Variants in DLGAP2 observed in about 807,000 individuals in gnomAD.
DLGAP2 encodes DLG associated protein 2, also known as disks large-associated protein 2.
A neutral mutation model predicts 100.3 loss-of-function variants in DLGAP2; 26 were observed. The observed-to-expected ratio is 0.26, with a 90% CI of 0.19 to 0.36. The LOEUF (loss-of-function observed/expected upper bound fraction) is 0.36. DLGAP2 is among the 10% of genes least tolerant of loss of function. The pLI is 1.00. For synonymous variants in DLGAP2, 886 were observed against 630.1 expected (o/e 1.41, Z -6.08); for missense variants, 1,858 against 1,453.2 (o/e 1.28, Z -4.53).
chr8:1,687,228 G>C (rs1187861634), intron 12 of DLGAP2, among the ~76,000 whole-genome samples: 1 of 152,182 alleles, frequency 6.6e-6, no homozygotes, highest in Non-Finnish European at 1.5e-5. Context: ...CACCAGAATA[G>C]TGTGAATTAT....
chr8:1,703,049 C>G lies in DLGAP2; in HGVS notation c.*1643C>G, dbSNP rs1799617475. 1 of 152,694 alleles carries G rather than the reference C, an allele frequency of 6.5e-6. No homozygotes were observed. Among genetic ancestry groups the G allele is most frequent in the Admixed American group, 6.5e-5 (1 of 15,278 alleles). 9.5% of individuals were successfully genotyped at this position (152,694 alleles called of 1,614,324 possible). A position where few individuals can be genotyped will look rare whatever the true frequency, so the allele number is the denominator to read the frequency against. On this transcript the variant is annotated 3_prime_UTR_variant, in exon 15 of 15. Coordinates refer to ENST00000637795, the MANE Select transcript of DLGAP2 (RefSeq NM_001346810.2). ...CGATGTGCGGTTGGCCCCCAGCGCG[C>G]CCTCCAGAGCTGCGGTGTCTCCCTG...
At chr8:1,587,477 C>A (rs753774901) in intron 6 of DLGAP2, among the ~76,000 whole-genome samples, 3 of 152,122 alleles carry the variant, frequency 2.0e-5, no homozygotes, top group Non-Finnish European at 2.9e-5. Flanking sequence ...TTTGTTGTTT[C>A]ATTCTTTATC....
chr8:949,106 G>A (rs1799409903), intron 2 of DLGAP2, among the ~76,000 whole-genome samples: 1 of 152,248 alleles, frequency 6.6e-6, no homozygotes, highest in Non-Finnish European at 1.5e-5. Flanking sequence ...GGTGGTTGGA[G>A]GTCGTGGCTC....
intron 3 of DLGAP2, among the ~76,000 whole-genome samples, chr8:1,278,830 C>A (rs1194778523): frequency 2.0e-5 from 3 of 152,156 alleles, no homozygotes; most frequent in Non-Finnish European, 4.4e-5. Context: ...ATAAGCATTT[C>A]TTAGTCTTTC....
At chr8:832,836 C>T (rs1198473395) in intron 1 of DLGAP2, among the ~76,000 whole-genome samples, 1 of 152,196 alleles carries the variant, frequency 6.6e-6, no homozygotes, top group Non-Finnish European at 1.5e-5. Flanking sequence ...GCAGCGAAGA[C>T]ACTGTGGGAT....
At chr8:1,271,153 C>A (rs557046224) in intron 3 of DLGAP2, among the ~76,000 whole-genome samples, 3 of 152,056 alleles carry the variant, frequency 2.0e-5, no homozygotes, top group South Asian at 4.2e-4. Context: ...ATCATAAACC[C>A]ACAAAAAAGA....
At chr8:1,108,321 G>A (rs568058110) in intron 2 of DLGAP2, among the ~76,000 whole-genome samples, 2 of 152,150 alleles carry the variant, frequency 1.3e-5, no homozygotes, top group Non-Finnish European at 2.9e-5. Flanking sequence ...ATTTCTGAAA[G>A]TTAACCACTT....
chr8:1,365,374 T>TGCTGGGAAACAGGCACAGGGGA (rs2129679507), intron 3 of DLGAP2, among the ~76,000 whole-genome samples: 2 of 152,220 alleles, frequency 1.3e-5, no homozygotes, highest in South Asian at 4.2e-4. Context: ...AGCAGGGAGA[T>TGCTGGGAAACAGGCACAGGGGA]GCTTGGATTC....
intron 2 of DLGAP2, among the ~76,000 whole-genome samples, chr8:1,117,009 C>G (rs952666058): frequency 6.6e-6 from 1 of 152,156 alleles, no homozygotes. Flanking sequence ...AAAAATAAAC[C>G]CGATGTGCAG....
chr8:977,354 G>A (rs1004722478), intron 2 of DLGAP2, among the ~76,000 whole-genome samples: 4 of 152,216 alleles, frequency 2.6e-5, no homozygotes, highest in African/African-American at 7.2e-5. Flanking sequence ...CATGCCTTTG[G>A]TCAGGCAGGT....
intron 6 of DLGAP2, among the ~76,000 whole-genome samples, chr8:1,595,891 CTTTAAG>C (rs200380314): frequency 0.28 from 42,203 of 150,822 alleles, 6,401 homozygotes; most frequent in East Asian, 0.5. Flanking sequence ...TATTATTATA[CTTTAAG>C]TTTTAGGGTA....
At chr8:1,367,039 CAT>C (rs1802125316) in intron 3 of DLGAP2, among the ~76,000 whole-genome samples, 1 of 152,170 alleles carries the variant, frequency 6.6e-6, no homozygotes, top group Non-Finnish European at 1.5e-5. Flanking sequence ...AACACACACA[CAT>C]GTGACCACAG....
intron 3 of DLGAP2, among the ~76,000 whole-genome samples, chr8:1,436,969 G>A (rs376173427): frequency 2.0e-5 from 3 of 152,274 alleles, no homozygotes; most frequent in Non-Finnish European, 2.9e-5. Context: ...TGCAGCCTGG[G>A]AGCAGGAGGC....
intron 1 of DLGAP2, among the ~76,000 whole-genome samples, chr8:756,097 G>T (rs111512387): frequency 0.03 from 4,537 of 152,202 alleles, 95 homozygotes; most frequent in Non-Finnish European, 0.041. Flanking sequence ...GGCTTTTTTT[G>T]TGCTAATAGT....
Position 1,164,125 on chromosome 8 carries a change from G to C in DLGAP2, c.74-94726G>C, listed in dbSNP as rs776466699. On this transcript the variant is annotated intron_variant, in intron 2 of 14. Coordinates refer to ENST00000637795, the MANE Select transcript of DLGAP2 (RefSeq NM_001346810.2). ...ATTTTTCTGTGAGCCCGCAGGGCCC[G>C]TCATTTTGGTTTGTGGGGATTTTTC... Among the ~76,000 whole-genome samples, 209 of 54,148 alleles carry C rather than the reference G, an allele frequency of 3.9e-3. 28 individuals are homozygous for C. The highest frequency in any genetic ancestry group is 0.013 in the African/African-American group (175 of 13,542). 35.5% of individuals were successfully genotyped at this position (54,148 alleles called of 152,430 possible).
intron 1 of DLGAP2, among the ~76,000 whole-genome samples, chr8:835,009 G>A (rs56898943): frequency 0.12 from 18,880 of 152,216 alleles, 1,327 homozygotes; most frequent in East Asian, 0.23. Context: ...TCTACATTAT[G>A]TTGGGGTGCA....
intron 4 of DLGAP2, among the ~76,000 whole-genome samples, chr8:1,515,068 G>A (rs926235793): frequency 2.6e-5 from 4 of 152,124 alleles, no homozygotes. Flanking sequence ...TCCCTGCAGG[G>A]AGACCAACAT....
chr8:794,305 T>C (rs1282276963), intron 1 of DLGAP2, among the ~76,000 whole-genome samples: 1 of 151,968 alleles, frequency 6.6e-6, no homozygotes, highest in Non-Finnish European at 1.5e-5. Flanking sequence ...CCTAACCCAG[T>C]GGTGCTAGAG....
At chr8:1,503,519 G>T (rs186942501) in intron 4 of DLGAP2, among the ~76,000 whole-genome samples, 1 of 152,194 alleles carries the variant, frequency 6.6e-6, no homozygotes, top group African/African-American at 2.4e-5. Flanking sequence ...CCATTCCTCC[G>T]TGGACAGACC....
Sources: gnomAD v4.1 joint callset for allele counts (sites outside exome capture counted in the v4.1 genomes callset) on GRCh38, gnomAD v4.1.1 for gene constraint, MANE v1.5 for transcripts, NCBI Gene and HGNC (gene_info 2026-07-23, HGNC 2026-07-21) for gene names.